Variants in MLIP observed in about 807,000 individuals in gnomAD.
MLIP encodes the protein muscular LMNA-interacting protein.
MLIP carries 79 observed loss-of-function variants against 84.8 expected under a neutral mutation model. The ratio of observed to expected loss-of-function variants is 0.93; its 90% CI spans 0.78 to 1.12. The LOEUF (loss-of-function observed/expected upper bound fraction) is 1.12. MLIP is among the 50% of genes most tolerant of loss of function. The probability of loss-of-function intolerance (pLI) is 0.00; values close to 1 mark genes in which losing one functional copy is unlikely to be tolerated. For synonymous variants in MLIP, 504 were observed against 463.0 expected (o/e 1.09, Z -1.14); for missense variants, 1,257 against 1,160.6 (o/e 1.08, Z -1.21).
chr6:54,048,209 T>C (rs1449716636), intron 1 of MLIP, among the ~76,000 whole-genome samples: 2 of 152,208 alleles, frequency 1.3e-5, no homozygotes, highest in African/African-American at 4.8e-5. Context: ...AAAGCCATTT[T>C]TGCTGAAAAG....
At chr6:54,062,938 C>T (rs1212650793) in intron 1 of MLIP, among the ~76,000 whole-genome samples, 1 of 152,126 alleles carries the variant, frequency 6.6e-6, no homozygotes, top group Non-Finnish European at 1.5e-5. Flanking sequence ...TGCAATGGCT[C>T]ATGCCTGTAA....
rs1452523665 is a variant in MLIP, at chr6:54,121,609, T to G, written c.252+7T>G. ...TCCAGAAACTGTAAATAGGGTAGGA[T>G]TATTTTTATTCTTTTTTAATTTCAA... On this transcript the variant is annotated splice_region_variant and intron_variant, in intron 2 of 13. Transcript: ENST00000502396. 1.9e-6 allele frequency: 3 copies of G among 1,554,184 alleles called. No homozygotes were observed. In the Admixed American group the frequency reaches 6.4e-5, roughly 33 times the overall value.
At chr6:54,221,749 G>A (rs921756767) in intron 11 of MLIP, among the ~76,000 whole-genome samples, 1 of 151,932 alleles carries the variant, frequency 6.6e-6, no homozygotes, top group Non-Finnish European at 1.5e-5. Flanking sequence ...AGATCATCTC[G>A]AGTAAATCTA....
intron 4 of MLIP, among the ~76,000 whole-genome samples, chr6:54,139,825 T>C (rs1464685893): frequency 6.6e-6 from 1 of 152,148 alleles, no homozygotes; most frequent in African/African-American, 2.4e-5. Context: ...TAACTCATGT[T>C]AGCAATTTAG....
chr6:54,046,116 G>T (rs1389475453), intron 1 of MLIP: 1 of 152,050 alleles, frequency 6.6e-6, no homozygotes, highest in Non-Finnish European at 1.5e-5. Context: ...GCCACTGGTG[G>T]CTATATTTCC....
At chr6:54,099,638 T>C (rs1434287553) in intron 1 of MLIP, 1 of 152,192 alleles carries the variant, frequency 6.6e-6, no homozygotes, top group Non-Finnish European at 1.5e-5. Flanking sequence ...CAATGTGTGC[T>C]TTCAAAAGAC....
intron 12 of MLIP, among the ~76,000 whole-genome samples, chr6:54,247,977 G>T (rs1782202619): frequency 6.6e-6 from 1 of 152,026 alleles, no homozygotes; most frequent in Non-Finnish European, 1.5e-5. Flanking sequence ...TTACACCTGG[G>T]ATCTGGGATA....
intron 13 of MLIP, among the ~76,000 whole-genome samples, chr6:54,259,644 T>C (rs1783252873): frequency 6.6e-6 from 1 of 151,906 alleles, no homozygotes; most frequent in Non-Finnish European, 1.5e-5. Context: ...TGCCATAAAA[T>C]GATTTTGATT....
intron 8 of MLIP, among the ~76,000 whole-genome samples, chr6:54,167,559 T>G (rs1248194174): frequency 6.6e-6 from 1 of 151,940 alleles, no homozygotes; most frequent in Non-Finnish European, 1.5e-5. Context: ...TGGGTCTTTT[T>G]TGGTTGTTTA....
intron 10 of MLIP, among the ~76,000 whole-genome samples, chr6:54,190,261 A>T (rs1161524738): frequency 6.6e-6 from 1 of 152,194 alleles, no homozygotes; most frequent in African/African-American, 2.4e-5. Context: ...GTCATGATTG[A>T]GTAGGATAGT....
At chr6:54,239,438 A>G (rs1024425438) in intron 12 of MLIP, among the ~76,000 whole-genome samples, 2 of 148,344 alleles carry the variant, frequency 1.3e-5, no homozygotes, top group African/African-American at 5.1e-5. Context: ...ATATATGTAT[A>G]CAATGTTTTG....
chr6:54,025,298 GTGT>G (rs1435914772), intron 1 of MLIP, among the ~76,000 whole-genome samples: 1 of 152,136 alleles, frequency 6.6e-6, no homozygotes, highest in African/African-American at 2.4e-5. Flanking sequence ...TGTTTCTGAT[GTGT>G]TATCTAGATA....
intron 9 of MLIP, among the ~76,000 whole-genome samples, chr6:54,176,045 T>C (rs1196520397): frequency 6.6e-6 from 1 of 152,106 alleles, no homozygotes; most frequent in African/African-American, 2.4e-5. Flanking sequence ...GATTTGCATA[T>C]GTTAAACCAT....
rs565770023 is a variant in MLIP, at chr6:54,216,037, G to T, written c.2718+13804G>T. ...TTTTAAGGCTGAATAATATTTCATT[G>T]TTTAACACGTTTTATTTATTCATTT... On this transcript the variant is annotated intron_variant, in intron 11 of 13. Coordinates refer to ENST00000502396, the MANE Select transcript of MLIP (RefSeq NM_001281747.2). The T allele has an allele frequency of 3.3e-5, 15 of 456,642 alleles. No homozygotes were observed. The East Asian group carries it at 2.3e-3, about 71-fold the overall frequency. 28.3% of individuals were successfully genotyped at this position (456,642 alleles called of 1,614,324 possible). A position where few individuals can be genotyped will look rare whatever the true frequency, so the allele number is the denominator to read the frequency against.
At chr6:54,215,419 A>AT (rs1779789498) in intron 11 of MLIP, 4 of 1,229,524 alleles carry the variant, frequency 3.3e-6, no homozygotes, top group South Asian at 6.2e-5. Flanking sequence ...AGTATTTGTG[A>AT]TTTTTTTAAA....
At chr6:54,117,851 C>G (rs1360584782) in intron 1 of MLIP, among the ~76,000 whole-genome samples, 1 of 151,898 alleles carries the variant, frequency 6.6e-6, no homozygotes, top group African/African-American at 2.4e-5. Flanking sequence ...AAGGCTGAAG[C>G]AGGAGAATGG....
chr6:54,191,894 G>C (rs916054639), intron 10 of MLIP, among the ~76,000 whole-genome samples: 3 of 151,506 alleles, frequency 2.0e-5, no homozygotes, highest in Non-Finnish European at 2.9e-5. Flanking sequence ...TAGATTTTAG[G>C]TGTTGGACTA....
rs553115028 is a variant in MLIP at position 54,094,588 on chromosome 6, G to A, written c.64-26859G>A. 1.5e-4 allele frequency among the ~76,000 whole-genome samples: 23 copies of A among 149,374 alleles called. No individual in the cohort carries two copies. In the East Asian group the frequency reaches 4.3e-3, roughly 28 times the overall value. ...GGGAAAATATATTTGTCTTCTTTCT[G>A]ACTTTTTTTTTTTTTAATTTACAAA... On this transcript the variant is annotated intron_variant, in intron 1 of 12. Transcript: ENST00000274897.
At chr6:54,117,935 ACT>A (rs1224265071) in intron 1 of MLIP, among the ~76,000 whole-genome samples, 3 of 150,666 alleles carry the variant, frequency 2.0e-5, no homozygotes, top group Non-Finnish European at 2.9e-5. Flanking sequence ...ACAGAATGAG[ACT>A]CTGTCTCAAA....
Sources: allele counts gnomAD v4.1 joint callset (sites outside exome capture counted in the v4.1 genomes callset), GRCh38; gene constraint gnomAD v4.1.1; transcripts MANE v1.5; gene names NCBI Gene and HGNC (gene_info 2026-07-23, HGNC 2026-07-21).